TNR: variants seen among roughly 807,000 people sequenced by gnomAD.
TNR encodes tenascin-R.
TNR carries 45 observed loss-of-function variants against 150.4 expected under a neutral mutation model. The ratio of observed to expected loss-of-function variants is 0.30; its 90% CI spans 0.24 to 0.38. TNR has a LOEUF of 0.38. Ranked by LOEUF, TNR falls within the 10% of genes least tolerant of loss-of-function variation. The pLI is 1.00. For missense variants in TNR, 1,544 were observed against 1,759.1 expected (o/e 0.88, Z 2.19); for synonymous variants, 687 against 678.4 (o/e 1.01, Z -0.20).
At chr1:175,584,528 A>G (rs972254797) in intron 1 of TNR, among the ~76,000 whole-genome samples, 1 of 152,218 alleles carries the variant, frequency 6.6e-6, no homozygotes, top group Admixed American at 6.5e-5. Context: ...ATGGCAACCC[A>G]AGGAAACTAA....
At chr1:175,344,021 G>C (rs202136806) in intron 18 of TNR, among the ~76,000 whole-genome samples, 1 of 152,132 alleles carries the variant, frequency 6.6e-6, no homozygotes. Flanking sequence ...GAGAAAGCAG[G>C]GATTTATTAA....
intron 1 of TNR, among the ~76,000 whole-genome samples, chr1:175,591,141 A>C (rs920419622): frequency 6.6e-6 from 1 of 152,134 alleles, no homozygotes; most frequent in Admixed American, 6.5e-5. Flanking sequence ...CTCCTCTCTG[A>C]TGTGTGTGTC....
chr1:175,595,174 A>T (rs1169634797), intron 1 of TNR, among the ~76,000 whole-genome samples: 1 of 152,206 alleles, frequency 6.6e-6, no homozygotes, highest in Non-Finnish European at 1.5e-5. Context: ...CTCAAAAAAA[A>T]ATTATTTTAG....
intron 2 of TNR, among the ~76,000 whole-genome samples, chr1:175,482,690 T>C (rs1256913801): frequency 6.6e-6 from 1 of 152,184 alleles, no homozygotes; most frequent in East Asian, 1.9e-4. Flanking sequence ...TTAATATGAA[T>C]GAATTAACTG....
chr1:175,350,467 A>G (rs1419978014), intron 18 of TNR, among the ~76,000 whole-genome samples: 1 of 152,176 alleles, frequency 6.6e-6, no homozygotes, highest in East Asian at 1.9e-4. Context: ...ATTTATATTC[A>G]TATCTCTAAA....
chr1:175,472,912 G>C (rs1211462505), intron 2 of TNR, among the ~76,000 whole-genome samples: 1 of 152,196 alleles, frequency 6.6e-6, no homozygotes, highest in Non-Finnish European at 1.5e-5. Flanking sequence ...CTTTGTGCCT[G>C]ATAAGCAGGG....
intron 2 of TNR, among the ~76,000 whole-genome samples, chr1:175,496,472 A>T (rs1199706516): frequency 3.3e-5 from 5 of 152,318 alleles, no homozygotes; most frequent in Non-Finnish European, 4.4e-5. Flanking sequence ...CCATATGCAG[A>T]AGCATCTCTG....
chr1:175,651,667 C>T (rs1196694268), intron 1 of TNR, among the ~76,000 whole-genome samples: 1 of 152,046 alleles, frequency 6.6e-6, no homozygotes, highest in East Asian at 1.9e-4. Flanking sequence ...ATCCCTACAT[C>T]ATACAAGTTG....
At chr1:175,691,699 G>A (rs1418456012) in intron 1 of TNR, among the ~76,000 whole-genome samples, 2 of 152,120 alleles carry the variant, frequency 1.3e-5, no homozygotes, top group African/African-American at 4.8e-5. Flanking sequence ...GGGGAAACCT[G>A]TTAGCTTAGG....
At chr1:175,369,751 G>A (rs1415042228) in intron 9 of TNR, among the ~76,000 whole-genome samples, 4 of 152,172 alleles carry the variant, frequency 2.6e-5, no homozygotes, top group Admixed American at 6.5e-5. Flanking sequence ...CAGGGCAGCT[G>A]TGATTTCTCT....
intron 1 of TNR, among the ~76,000 whole-genome samples, chr1:175,580,785 C>T (rs1036827831): frequency 6.6e-6 from 1 of 152,184 alleles, no homozygotes; most frequent in Non-Finnish European, 1.5e-5. Context: ...GGGCAGCTTG[C>T]CCTGCCCTGG....
intron 18 of TNR, among the ~76,000 whole-genome samples, chr1:175,347,624 C>A (rs544052327): frequency 8.5e-5 from 13 of 152,160 alleles, no homozygotes; most frequent in African/African-American, 3.1e-4. Flanking sequence ...GATGGGGTTT[C>A]ATCATGTTGC....
chr1:175,558,804 G>A lies in TNR; in HGVS notation c.-164-30435C>T, dbSNP rs563919668. Among the ~76,000 whole-genome samples, 209 of 152,270 alleles carry A rather than the reference G, an allele frequency of 1.4e-3. 2 individuals are homozygous for A. Among genetic ancestry groups the A allele is most frequent in the Admixed American group, 2.2e-3 (34 of 15,298 alleles). On this transcript the variant is annotated intron_variant, in intron 1 of 22. Transcript: ENST00000367674. ...GAGAGGGATGAGTAAGCAGAGCAGC[G>A]AGAAATTTTAGGGCAGTGAAACTAC...
At chr1:175,663,649 G>A (rs1665445941) in intron 1 of TNR, among the ~76,000 whole-genome samples, 2 of 151,628 alleles carry the variant, frequency 1.3e-5, no homozygotes, top group South Asian at 2.1e-4. Flanking sequence ...GGAGGGAGGG[G>A]GAAGTCCTAC....
chr1:175,481,617 C>T (rs1052691196), intron 2 of TNR, among the ~76,000 whole-genome samples: 1 of 152,152 alleles, frequency 6.6e-6, no homozygotes, highest in Admixed American at 6.5e-5. Context: ...GAAACCTGAT[C>T]AGACTACATG....
At chr1:175,456,693 GCCCATGTT>G (rs770533566) in intron 2 of TNR, among the ~76,000 whole-genome samples, 3 of 152,070 alleles carry the variant, frequency 2.0e-5, no homozygotes, top group Non-Finnish European at 2.9e-5. Flanking sequence ...AAAATGTATG[GCCCATGTT>G]CAGCACAATT....
At chr1:175,406,083 G>T in intron 3 of TNR, 133 bp downstream of exon 3, 2 of 1,225,332 alleles carry the variant, frequency 1.6e-6, no homozygotes, top group Admixed American at 2.6e-5. Flanking sequence ...CTTTGACCGT[G>T]TGAAGAGATG....
chr1:175,370,904 C>A (rs765431618), intron 9 of TNR, among the ~76,000 whole-genome samples: 2 of 152,116 alleles, frequency 1.3e-5, no homozygotes, highest in Non-Finnish European at 2.9e-5. Flanking sequence ...AACTGCAGAG[C>A]AGAATTTAAT....
chr1:175,334,484 C>T (rs558008388), intron 20 of TNR, among the ~76,000 whole-genome samples: 36 of 152,286 alleles, frequency 2.4e-4, no homozygotes, highest in African/African-American at 8.4e-4. Flanking sequence ...GTCATGTGGC[C>T]AGAGATTTGT....
Sources: gnomAD v4.1 joint callset for allele counts (sites outside exome capture counted in the v4.1 genomes callset) on GRCh38, gnomAD v4.1.1 for gene constraint, MANE v1.5 for transcripts, NCBI Gene and HGNC (gene_info 2026-07-23, HGNC 2026-07-21) for gene names.